The following RABGEF1 variants were observed in gnomAD, a reference collection of about 807,000 sequenced individuals.
RABGEF1 encodes the protein rab5 GDP/GTP exchange factor.
RABGEF1 carries 26 observed loss-of-function variants against 57.3 expected under a neutral mutation model. The observed-to-expected ratio is 0.45, with a 90% CI of 0.33 to 0.63. RABGEF1 has a LOEUF of 0.63. RABGEF1 is among the 20% of genes least tolerant of loss of function. RABGEF1 has a pLI of 0.02. For synonymous variants in RABGEF1, 185 were observed against 210.7 expected (o/e 0.88, Z 1.06); for missense variants, 464 against 607.6 (o/e 0.76, Z 2.48).
chr7:66,657,896 A>T, the RABGEF1 span, among the ~76,000 whole-genome samples: 4 of 152,206 alleles, frequency 2.6e-5, no homozygotes, highest in Non-Finnish European at 4.4e-5. Context: ...CCTCTAAAGG[A>T]TCTAGAAAAA....
At chr7:66,680,493 C>G (rs939473515), upstream of RABGEF1, among the ~76,000 whole-genome samples, 3 of 152,152 alleles carry the variant, frequency 2.0e-5, no homozygotes, top group Non-Finnish European at 4.4e-5. Flanking sequence ...ATCCGCCCGC[C>G]TCTGCCTCCC....
In RABGEF1 at chr7:66,783,808, C is replaced by T; in HGVS notation, c.480C>T (p.Thr160=). 6.2e-7 allele frequency: 1 copy of T among 1,612,984 alleles called. No homozygotes were observed. Among genetic ancestry groups the T allele is most frequent in the Non-Finnish European group, 8.5e-7 (1 of 1,179,366 alleles). ...CAGGCCAAGAAATCTATAAACAGAC[C>T]AAGCTGTTTTTGGAAGGAATGCATT... The part of the protein sequence containing the change: ...HKTGQEIYKQ[T]KLFLEGMHYK... The change falls in exon 4 of 9, where the codon ACC becomes ACT. Residue 160 remains threonine, a synonymous_variant. Coordinates refer to ENST00000284957, the MANE Select transcript of RABGEF1 (RefSeq NM_014504.3).
At chr7:66,756,944 A>G (rs1802871842) in intron 1 of RABGEF1, among the ~76,000 whole-genome samples, 1 of 152,200 alleles carries the variant, frequency 6.6e-6, no homozygotes, top group African/African-American at 2.4e-5. Context: ...GTGGTTTGAC[A>G]GGTCTGTTCT....
intron 1 of RABGEF1, among the ~76,000 whole-genome samples, chr7:66,762,412 G>A (rs1184546371): frequency 1.3e-5 from 2 of 152,054 alleles, no homozygotes; most frequent in Non-Finnish European, 2.9e-5. Flanking sequence ...TCAATATGGC[G>A]AAACCCTGTC....
At chr7:66,699,006 C>T (rs1311962223) in intron 1 of RABGEF1, among the ~76,000 whole-genome samples, 1 of 152,226 alleles carries the variant, frequency 6.6e-6, no homozygotes, top group East Asian at 1.9e-4. Flanking sequence ...CCTTCAGTCC[C>T]ACATGCAGCG....
chr7:66,722,332 C>T (rs1796145514), intron 2 of RABGEF1, among the ~76,000 whole-genome samples: 1 of 152,258 alleles, frequency 6.6e-6, no homozygotes, highest in Middle Eastern at 3.4e-3. Context: ...CCCAGCTACT[C>T]AGGAGGCTGA....
chr7:66,728,457 T>A (rs549326962), intron 2 of RABGEF1, among the ~76,000 whole-genome samples: 1 of 152,272 alleles, frequency 6.6e-6, no homozygotes, highest in East Asian at 1.9e-4. Flanking sequence ...TTGCCTCTGC[T>A]TGTTCCTGTT....
chr7:66,779,318 A>C (rs1272690081), intron 3 of RABGEF1, among the ~76,000 whole-genome samples: 1 of 149,470 alleles, frequency 6.7e-6, no homozygotes, highest in Non-Finnish European at 1.5e-5. Context: ...AGACTGGCCA[A>C]CATGGTGAAA....
At chr7:66,664,945 G>A in the RABGEF1 span, among the ~76,000 whole-genome samples, 3 of 152,366 alleles carry the variant, frequency 2.0e-5, no homozygotes, top group South Asian at 6.2e-4. Context: ...TCAGGAGCCC[G>A]TGGCCCCCAC....
At chr7:66,658,122 G>A in the RABGEF1 span, among the ~76,000 whole-genome samples, 1 of 152,064 alleles carries the variant, frequency 6.6e-6, no homozygotes, top group Non-Finnish European at 1.5e-5. Context: ...CAACAATTAA[G>A]GTTATCGTAA....
At position 66,799,419 on chromosome 7, in the gene RABGEF1, G is replaced by A. The variant is rs1786779523; in HGVS notation, c.820+5G>A. 4 of 1,581,694 alleles carry A rather than the reference G, an allele frequency of 2.5e-6. No homozygotes were observed. Among genetic ancestry groups the A allele is most frequent in the Non-Finnish European group, 2.6e-6 (3 of 1,151,006 alleles). ...TGGTGGTGAAGGCGATCACAGGTCA[G>A]TGAAACCAAGAGCCTTTTTATTGGG... On this transcript the variant is annotated splice_donor_5th_base_variant and intron_variant, in intron 7 of 8. Coordinates refer to ENST00000284957, the MANE Select transcript of RABGEF1 (RefSeq NM_014504.3).
At chr7:66,721,115 C>T (rs139314444) in intron 2 of RABGEF1, among the ~76,000 whole-genome samples, 13,350 of 152,144 alleles carry the variant, frequency 0.088, 746 homozygotes, top group Non-Finnish European at 0.11. Flanking sequence ...GATGGGGTTT[C>T]ACCAGGTTGG....
At chr7:66,742,304 C>T (rs905325255) in intron 1 of RABGEF1, among the ~76,000 whole-genome samples, 1 of 152,138 alleles carries the variant, frequency 6.6e-6, no homozygotes, top group Non-Finnish European at 1.5e-5. Context: ...AAGAAATGTT[C>T]AGGATTTGAA....
At chr7:66,738,731 C>CAAAAAAAA (rs546724986), upstream of RABGEF1, among the ~76,000 whole-genome samples, 1 of 94,978 alleles carries the variant, frequency 1.1e-5, no homozygotes, top group Non-Finnish European at 2.0e-5. Context: ...GACTCTAACT[C>CAAAAAAAA]AAAAAAAAAA....
chr7:66,775,284 A>G lies in RABGEF1; in HGVS notation c.237A>G (p.Gln79=), dbSNP rs1220712197. ...GCAGTCAGAGCAGCCAAGGGGCCCA[A>G]TCCCTCACATTCTCCAAGTTTGAAG... The part of the protein sequence containing the change: ...FASSQSSQGA[Q]SLTFSKFEEK... Residue 79 remains glutamine (Q), a synonymous_variant, in exon 3 of 9, where the codon CAA becomes CAG. Transcript: ENST00000284957. 1.3e-5 allele frequency: 21 copies of G among 1,613,850 alleles called. No homozygotes were observed. The highest frequency in any genetic ancestry group is 1.8e-5 in the Non-Finnish European group (21 of 1,179,858).
rs142186863 is a variant in RABGEF1, at chr7:66,747,885, A to G, written c.-18+7093A>G. On this transcript the variant is annotated intron_variant, in intron 1 of 8. Coordinates refer to ENST00000284957, the MANE Select transcript of RABGEF1 (RefSeq NM_014504.3). ...AAAGGGTTTGTAATGACTTACAAAGATACGTGCGACATACTGTTGGTAACA... is the reference window on the plus strand; with the variant it reads ...AAAGGGTTTGTAATGACTTACAAAGGTACGTGCGACATACTGTTGGTAACA... Among the ~76,000 whole-genome samples the G allele has an allele frequency of 2.9e-3, 448 of 152,316 alleles. 1 individual carries two copies. The highest frequency in any genetic ancestry group is 4.9e-3 in the Non-Finnish European group (333 of 68,028).
At chr7:66,787,412 C>T (rs369223576) in intron 4 of RABGEF1, among the ~76,000 whole-genome samples, 1 of 144,084 alleles carries the variant, frequency 6.9e-6, no homozygotes, top group East Asian at 2.0e-4. Flanking sequence ...GGCGTGATTT[C>T]GGCTCACCCC....
chr7:66,680,625 A>G (rs111250853), upstream of RABGEF1, among the ~76,000 whole-genome samples: 18 of 152,192 alleles, frequency 1.2e-4, 1 homozygote, highest in African/African-American at 4.3e-4. Context: ...CGAATCAATT[A>G]ATCTCCACTT....
chr7:66,727,366 C>T (rs1215778030), intron 2 of RABGEF1, among the ~76,000 whole-genome samples: 1 of 152,220 alleles, frequency 6.6e-6, no homozygotes, highest in Non-Finnish European at 1.5e-5. Context: ...TCCTCCAATA[C>T]CTTCCACGGC....
Sources: gnomAD v4.1 joint callset for allele counts (sites outside exome capture counted in the v4.1 genomes callset) on GRCh38, gnomAD v4.1.1 for gene constraint, MANE v1.5 for transcripts, NCBI Gene and HGNC (gene_info 2026-07-23, HGNC 2026-07-21) for gene names.